The following CARD8 variants were observed in gnomAD, a reference collection of about 807,000 sequenced individuals.
The protein encoded by CARD8 is caspase recruitment domain-containing protein 8.
A neutral mutation model predicts 53.2 loss-of-function variants in CARD8; 38 were observed. The ratio of observed to expected loss-of-function variants is 0.71; its 90% CI spans 0.55 to 0.94. The LOEUF (loss-of-function observed/expected upper bound fraction) is 0.94. CARD8 is among the 40% of genes least tolerant of loss of function. CARD8 has a pLI of 0.00. For missense variants in CARD8, 561 were observed against 655.5 expected (o/e 0.86, Z 1.57); for synonymous variants, 245 against 244.9 (o/e 1.00, Z 0.00).
At chr19:48,238,180 T>C in intron 5 of CARD8, 1 of 930,402 alleles carries the variant, frequency 1.1e-6, no homozygotes, top group Non-Finnish European at 1.5e-6. Context: ...TGTGAGCCAC[T>C]GGGCTCAGAC....
intron 13 of CARD8, 198 bp downstream of exon 13, chr19:48,215,142 C>G (rs1030108582): frequency 2.1e-6 from 1 of 483,262 alleles, no homozygotes; most frequent in African/African-American, 2.0e-5. Context: ...AAACTTGCCT[C>G]GGTCTCTCCT....
Position 48,221,950 on chromosome 19 carries a change from G to A in CARD8, c.1036-95C>T, listed in dbSNP as rs868210323. 74 of 968,460 alleles carry A rather than the reference G, an allele frequency of 7.6e-5. No homozygotes were observed. The African/African-American group carries it at 8.8e-4, about 11-fold the overall frequency. 60.0% of individuals were successfully genotyped at this position (968,460 alleles called of 1,614,324 possible). A position where few individuals can be genotyped will look rare whatever the true frequency, so the allele number is the denominator to read the frequency against. On this transcript the variant is annotated intron_variant, in intron 10 of 13. Coordinates refer to ENST00000651546, the MANE Select transcript of CARD8 (RefSeq NM_001184900.3). The stretch of plus-strand genomic sequence containing the variant: ...ATTTATATGGTATATTAAGTAGCAC[G>A]TAGGCTATGATTCAATTGATATAAA...
chr19:48,203,503 A>G (rs2037238225), downstream of CARD8: 1 of 152,356 alleles, frequency 6.6e-6, no homozygotes, highest in South Asian at 2.1e-4. Context: ...CTTTGTGAGG[A>G]TGAATGAATT....
At chr19:48,242,583 C>T (rs1276674124) in intron 3 of CARD8, 1 of 152,162 alleles carries the variant, frequency 6.6e-6, no homozygotes, top group Non-Finnish European at 1.5e-5. Context: ...CGTATGGAGA[C>T]ATCACATATT....
rs1420862891 is a variant in CARD8 at position 48,230,715 on chromosome 19, C to G, written c.773-15G>C. On this transcript the variant is annotated splice_polypyrimidine_tract_variant and intron_variant, in intron 9 of 13. Coordinates refer to ENST00000651546, the MANE Select transcript of CARD8 (RefSeq NM_001184900.3). ...CACCTCACCTGCTGCAGGAGAACCA[C>G]AACAGCAGTGAGACGGCACGCACCC... is the stretch of plus-strand genomic sequence containing the variant. The G allele has an allele frequency of 1.9e-6, 3 of 1,613,116 alleles. No homozygotes were observed. Among genetic ancestry groups the G allele is most frequent in the African/African-American group, 2.7e-5 (2 of 74,898 alleles).
chr19:48,249,658 T>G (rs1048112829), intron 2 of CARD8, 25 bp from the exon 3 acceptor site: 3 of 152,302 alleles, frequency 2.0e-5, no homozygotes, highest in African/African-American at 7.2e-5. Flanking sequence ...TCAAAAGAAG[T>G]TGAGAACTAG....
chr19:48,224,303 G>A (rs2041297937), intron 10 of CARD8, among the ~76,000 whole-genome samples: 1 of 152,122 alleles, frequency 6.6e-6, no homozygotes, highest in Non-Finnish European at 1.5e-5. Context: ...AAGAGAGGCA[G>A]ATGAAATGGC....
chr19:48,203,768 T>C (rs532567145), downstream of CARD8: 433 of 169,202 alleles, frequency 2.6e-3, 1 homozygote, highest in African/African-American at 9.7e-3. Flanking sequence ...GAACTAGCCC[T>C]TCCCGATGTT....
intron 10 of CARD8, among the ~76,000 whole-genome samples, chr19:48,227,574 G>A (rs1046191257): frequency 3.3e-5 from 5 of 152,058 alleles, no homozygotes; most frequent in Non-Finnish European, 7.4e-5. Flanking sequence ...GGAGGCCAAG[G>A]CGGGCAGATC....
At chr19:48,218,791 A>G in intron 12 of CARD8, 80 bp downstream of exon 12, 4 of 1,427,152 alleles carry the variant, frequency 2.8e-6, no homozygotes, top group Non-Finnish European at 3.9e-6. Context: ...ACCATAAACA[A>G]GATTTCTTCT....
downstream of CARD8, chr19:48,204,037 C>T: frequency 2.6e-6 from 1 of 387,070 alleles, no homozygotes; most frequent in Non-Finnish European, 5.2e-6. Flanking sequence ...TTTCCTTCGT[C>T]TGCTGGCGGG....
Position 48,233,345 on chromosome 19 carries a change from G to A in CARD8, c.351-852C>T, listed in dbSNP as rs932886504. On this transcript the variant is annotated intron_variant, in intron 6 of 13. Transcript: ENST00000651546. ...ATTCCTTGAGATATCTGTTTATTTC[G>A]ACGTGAAAGAGACCAGCAGAGAAAC... The A allele has an allele frequency of 1.1e-5, 5 of 456,152 alleles. No homozygotes were observed. The East Asian group carries it at 2.1e-4, about 19-fold the overall frequency. 28.3% of individuals were successfully genotyped at this position (456,152 alleles called of 1,614,324 possible). A position where few individuals can be genotyped will look rare whatever the true frequency, so the allele number is the denominator to read the frequency against.
At chr19:48,215,902 T>G (rs1010464154) in intron 12 of CARD8, among the ~76,000 whole-genome samples, 3 of 152,194 alleles carry the variant, frequency 2.0e-5, no homozygotes, top group African/African-American at 7.2e-5. Context: ...GACTCCTTGA[T>G]GTTTTCAAAG....
intron 3 of CARD8, among the ~76,000 whole-genome samples, chr19:48,243,632 T>C (rs2146809482): frequency 6.6e-6 from 1 of 152,338 alleles, no homozygotes; most frequent in Non-Finnish European, 1.5e-5. Flanking sequence ...GTTAATATAG[T>C]ATGCATTCAA....
Position 48,234,309 on chromosome 19 carries a change from G to C in CARD8, c.350+94C>G, listed in dbSNP as rs568961883. 3 of 1,310,666 alleles carry C rather than the reference G, an allele frequency of 2.3e-6. 1 individual carries two copies. In the East Asian group the frequency reaches 7.1e-5, roughly 31 times the overall value. The allele number at this position is 1,310,666 out of a possible 1,614,324, so 81.2% of individuals were successfully genotyped here. On this transcript the variant is annotated intron_variant, in intron 6 of 13. Coordinates refer to ENST00000651546, the MANE Select transcript of CARD8 (RefSeq NM_001184900.3). ...AGCTCATTCATTCTCCCCTGAGTTC[G>C]ATGAAAAACACCCAAATTCCTCTAA...
At chr19:48,225,576 A>G (rs1426414471) in intron 10 of CARD8, among the ~76,000 whole-genome samples, 1 of 152,168 alleles carries the variant, frequency 6.6e-6, no homozygotes, top group African/African-American at 2.4e-5. Context: ...GGCAAAGACT[A>G]GAAAGAGACT....
rs2037577924 is a variant in CARD8 at position 48,208,824 on chromosome 19, TTA to T, written c.*2884_*2885del. The T allele has an allele frequency of 2.2e-5, 1 of 45,730 alleles. No individual in the cohort carries two copies. The highest frequency in any genetic ancestry group is 5.3e-4 in the East Asian group (1 of 1,876). The allele number at this position is 45,730 out of a possible 1,614,324, so 2.8% of individuals were successfully genotyped here. A position where few individuals can be genotyped will look rare whatever the true frequency, so the allele number is the denominator to read the frequency against. ...AACCCTGTCTCTACTAAAAATATTT[TTA>T]AAAAAAAATTAGCCGGGCGTGTTGG... On this transcript the variant is annotated 3_prime_UTR_variant, in exon 14 of 14. Coordinates refer to ENST00000651546, the MANE Select transcript of CARD8 (RefSeq NM_001184900.3).
intron 7 of CARD8, 85 bp from the exon 8 acceptor site, chr19:48,231,895 G>A (rs781261981): frequency 6.3e-5 from 75 of 1,181,300 alleles, no homozygotes; most frequent in Non-Finnish European, 8.7e-5. Context: ...AATTGCACAG[G>A]TGCTGTTGGG....
intron 10 of CARD8, among the ~76,000 whole-genome samples, chr19:48,227,112 G>T (rs1782875239): frequency 6.7e-6 from 1 of 150,360 alleles, no homozygotes. Flanking sequence ...AGAAAGAAAA[G>T]AAAATAAGTG....
Sources: gnomAD v4.1 joint callset for allele counts (sites outside exome capture counted in the v4.1 genomes callset) on GRCh38, gnomAD v4.1.1 for gene constraint, MANE v1.5 for transcripts, NCBI Gene and HGNC (gene_info 2026-07-23, HGNC 2026-07-21) for gene names.